The following RGS8 variants were observed in gnomAD, a reference collection of about 807,000 sequenced individuals.
RGS8 encodes regulator of G protein signaling 8, also known as regulator of G-protein signaling 8.
In RGS8, 8 loss-of-function variants were observed where a neutral mutation model predicts 21.7. The ratio of observed to expected loss-of-function variants is 0.37; its 90% CI spans 0.22 to 0.66. The LOEUF (loss-of-function observed/expected upper bound fraction) is 0.66. Ranked by LOEUF, RGS8 falls within the 30% of genes least tolerant of loss-of-function variation. The pLI, the probability that RGS8 is intolerant of heterozygous loss-of-function variation, is 0.59. For synonymous variants in RGS8, 80 were observed against 83.6 expected, an observed-to-expected ratio of 0.96 and a Z score of 0.24; for missense variants, 157 against 217.9, an observed-to-expected ratio of 0.72 and a Z score of 1.76.
the RGS8 span, among the ~76,000 whole-genome samples, chr1:182,703,215 G>C: frequency 6.6e-6 from 1 of 152,168 alleles, no homozygotes; most frequent in African/African-American, 2.4e-5. Flanking sequence ...GAAGGGAAAG[G>C]GGCATTTTCT....
the RGS8 span, among the ~76,000 whole-genome samples, chr1:182,722,804 G>A: frequency 4.0e-5 from 6 of 151,834 alleles, no homozygotes; most frequent in African/African-American, 9.7e-5. Context: ...GTGAAACCCC[G>A]TCTCTACTAA....
the RGS8 span, among the ~76,000 whole-genome samples, chr1:182,726,445 C>T: frequency 6.6e-6 from 1 of 152,074 alleles, no homozygotes; most frequent in East Asian, 1.9e-4. Flanking sequence ...CCGAGGTAGG[C>T]AAATCATCTG....
At chr1:182,702,634 A>G in the RGS8 span, among the ~76,000 whole-genome samples, 10,497 of 152,328 alleles carry the variant, frequency 0.069, 412 homozygotes, top group Middle Eastern at 0.099. Flanking sequence ...TAAAGATCCA[A>G]TCGTAAGTAA....
chr1:182,720,495 C>G, the RGS8 span, among the ~76,000 whole-genome samples: 37 of 152,280 alleles, frequency 2.4e-4, no homozygotes, highest in Non-Finnish European at 5.0e-4. Context: ...TCAAAATCAT[C>G]CATTCATTCC....
At chr1:182,680,876 AG>A (rs1437281485) in intron 1 of RGS8, among the ~76,000 whole-genome samples, 2 of 152,218 alleles carry the variant, frequency 1.3e-5, no homozygotes, top group African/African-American at 4.8e-5. Flanking sequence ...TGGCCAACAG[AG>A]ACAGTGTGGA....
intron 5 of RGS8, among the ~76,000 whole-genome samples, chr1:182,653,945 G>A (rs751819719): frequency 9.2e-5 from 14 of 152,312 alleles, no homozygotes; most frequent in Admixed American, 4.6e-4. Context: ...AGATGGTAGC[G>A]CCTAGGAAAG....
rs766518873 is a variant in RGS8, at chr1:182,648,129, C to A, written c.360+8G>T. 1.3e-6 allele frequency: 2 copies of A among 1,592,610 alleles called. No individual in the cohort carries two copies. The highest frequency in any genetic ancestry group is 8.6e-7 in the Non-Finnish European group (1 of 1,166,072). ...GGATAGACAGGATGGTCGCCGCTGCCAACACACCTCCCGTGGAGCCTGCAC... is the reference window on the plus strand; with the variant it reads ...GGATAGACAGGATGGTCGCCGCTGCAAACACACCTCCCGTGGAGCCTGCAC... On this transcript the variant is annotated splice_region_variant and intron_variant, in intron 6 of 6. Transcript: ENST00000483095.
chr1:182,675,277 G>T (rs1664318444), upstream of RGS8, among the ~76,000 whole-genome samples: 1 of 152,018 alleles, frequency 6.6e-6, no homozygotes, highest in Non-Finnish European at 1.5e-5. Flanking sequence ...TCCTAAATTG[G>T]TTTTTAAATC....
At chr1:182,665,378 G>T (rs1007325933) in intron 5 of RGS8, among the ~76,000 whole-genome samples, 4 of 152,162 alleles carry the variant, frequency 2.6e-5, no homozygotes, top group African/African-American at 9.7e-5. Flanking sequence ...GAAACAAAAG[G>T]CATTACAGAT....
the RGS8 span, among the ~76,000 whole-genome samples, chr1:182,693,356 G>A: frequency 7.8e-4 from 119 of 152,170 alleles, no homozygotes; most frequent in African/African-American, 2.9e-3. Context: ...TGGCTGACAA[G>A]CATATGAGAA....
chr1:182,685,232 A>G (rs1664673922), upstream of RGS8, among the ~76,000 whole-genome samples: 1 of 152,218 alleles, frequency 6.6e-6, no homozygotes, highest in Non-Finnish European at 1.5e-5. Context: ...GGTGGCAAGA[A>G]CAGGAGCAAG....
At chr1:182,667,081 C>T in intron 3 of RGS8, 108 bp from the exon 5 acceptor site, 1 of 851,262 alleles carries the variant, frequency 1.2e-6, no homozygotes, top group Non-Finnish European at 2.0e-6. Flanking sequence ...ACTGCCCCCA[C>T]CCTTCCCCAG....
the RGS8 span, among the ~76,000 whole-genome samples, chr1:182,726,947 G>C: frequency 6.6e-6 from 1 of 152,114 alleles, no homozygotes; most frequent in South Asian, 2.1e-4. Flanking sequence ...GCTGCAGCAG[G>C]CTTCTTCACC....
intron 5 of RGS8, among the ~76,000 whole-genome samples, chr1:182,661,109 T>C (rs771534826): frequency 2.1e-4 from 32 of 151,606 alleles, no homozygotes; most frequent in Non-Finnish European, 2.9e-5. Flanking sequence ...GGTCTTCTGC[T>C]TGGTTGCTGT....
the RGS8 span, among the ~76,000 whole-genome samples, chr1:182,707,279 C>A: frequency 2.6e-5 from 4 of 152,126 alleles, no homozygotes; most frequent in Non-Finnish European, 5.9e-5. Context: ...GCAAAGACAA[C>A]CTTTTGTACT....
At chr1:182,749,978 A>G in the RGS8 span, among the ~76,000 whole-genome samples, 19 of 152,338 alleles carry the variant, frequency 1.2e-4, no homozygotes, top group African/African-American at 3.8e-4. Context: ...TTCTTCATCT[A>G]AAAATGGGGC....
chr1:182,745,300 T>A, the RGS8 span, among the ~76,000 whole-genome samples: 1 of 152,200 alleles, frequency 6.6e-6, no homozygotes, highest in Non-Finnish European at 1.5e-5. Flanking sequence ...GTTGACAGAA[T>A]AAACACATAA....
downstream of RGS8, chr1:182,643,328 C>G (rs1473154509): frequency 3.6e-5 from 4 of 112,510 alleles, no homozygotes; most frequent in Admixed American, 8.1e-5. Context: ...CCCCAGCCCC[C>G]CCGCCCCCGC....
At chr1:182,718,384 G>A in the RGS8 span, among the ~76,000 whole-genome samples, 5 of 152,212 alleles carry the variant, frequency 3.3e-5, no homozygotes, top group Admixed American at 2.0e-4. Flanking sequence ...AAATCCCAAA[G>A]ATGTTGTCAA....
Sources: gnomAD v4.1 joint callset for allele counts (sites outside exome capture counted in the v4.1 genomes callset) on GRCh38, gnomAD v4.1.1 for gene constraint, MANE v1.5 for transcripts, NCBI Gene and HGNC (gene_info 2026-07-23, HGNC 2026-07-21) for gene names.